Variants in FSTL5 observed in about 807,000 individuals in gnomAD.
The protein encoded by FSTL5 is follistatin-related protein 5.
A neutral mutation model predicts 89.1 loss-of-function variants in FSTL5; 62 were observed. The ratio of observed to expected loss-of-function variants is 0.70; its 90% CI spans 0.57 to 0.86. FSTL5 has a LOEUF of 0.86. Ranked by LOEUF, FSTL5 falls within the 40% of genes least tolerant of loss-of-function variation. The pLI is 0.00. For missense variants in FSTL5, 1,057 were observed against 1,001.6 expected, an observed-to-expected ratio of 1.06 and a Z score of -0.75; for synonymous variants, 383 against 346.2, an observed-to-expected ratio of 1.11 and a Z score of -1.18.
At chr4:161,545,401 T>G (rs1218923980) in intron 8 of FSTL5, among the ~76,000 whole-genome samples, 1 of 151,722 alleles carries the variant, frequency 6.6e-6, no homozygotes, top group Non-Finnish European at 1.5e-5. Flanking sequence ...AGAGGTTTTG[T>G]ATTTTTCTTT....
intron 10 of FSTL5, among the ~76,000 whole-genome samples, chr4:161,537,090 T>A (rs1353221504): frequency 6.6e-6 from 1 of 152,146 alleles, no homozygotes; most frequent in Admixed American, 6.6e-5. Flanking sequence ...AAAATGAAGA[T>A]AATGATATGC....
intron 15 of FSTL5, among the ~76,000 whole-genome samples, chr4:161,407,167 T>G (rs952183928): frequency 6.6e-6 from 1 of 152,162 alleles, no homozygotes; most frequent in Non-Finnish European, 1.5e-5. Context: ...TGTCACGAAT[T>G]GTACACTTTA....
intron 4 of FSTL5, among the ~76,000 whole-genome samples, chr4:161,855,114 G>A (rs1272359050): frequency 6.6e-6 from 1 of 151,884 alleles, no homozygotes; most frequent in Non-Finnish European, 1.5e-5. Flanking sequence ...GCTCCAGGTG[G>A]TAATATTAAA....
chr4:161,992,946 G>GCA (rs1736176404), intron 3 of FSTL5, among the ~76,000 whole-genome samples: 1 of 6,762 alleles, frequency 1.5e-4, no homozygotes, highest in Non-Finnish European at 5.4e-4. Context: ...ATATATGTGT[G>GCA]TATATCTATA....
At chr4:161,986,996 T>C (rs571324696) in intron 3 of FSTL5, among the ~76,000 whole-genome samples, 1 of 152,296 alleles carries the variant, frequency 6.6e-6, no homozygotes, top group African/African-American at 2.4e-5. Context: ...AGAGGCCTAT[T>C]GGTCATATTC....
chr4:161,468,898 A>AT (rs1164620269), intron 13 of FSTL5, among the ~76,000 whole-genome samples: 1 of 151,722 alleles, frequency 6.6e-6, no homozygotes, highest in South Asian at 2.1e-4. Flanking sequence ...TTTCATTAGT[A>AT]TTTTTTTCAT....
chr4:162,033,512 T>G, intron 3 of FSTL5, 113 bp downstream of exon 3: 1 of 609,622 alleles, frequency 1.6e-6, no homozygotes, highest in Non-Finnish European at 2.8e-6. Flanking sequence ...CTGAATATTT[T>G]TAATTATCAT....
chr4:161,566,133 TATACACAC>T (rs1732806142), intron 8 of FSTL5, among the ~76,000 whole-genome samples: 1 of 75,078 alleles, frequency 1.3e-5, no homozygotes, highest in Non-Finnish European at 2.7e-5. Context: ...TATATATATA[TATACACAC>T]ACACACACAC....
At chr4:161,475,903 C>G (rs1734118465) in intron 13 of FSTL5, among the ~76,000 whole-genome samples, 1 of 152,024 alleles carries the variant, frequency 6.6e-6, no homozygotes, top group Non-Finnish European at 1.5e-5. Flanking sequence ...TTGCCCACCA[C>G]CACGCCCAGC....
At chr4:162,143,228 G>A (rs1319992520) in intron 1 of FSTL5, among the ~76,000 whole-genome samples, 1 of 151,806 alleles carries the variant, frequency 6.6e-6, no homozygotes, top group Non-Finnish European at 1.5e-5. Context: ...GTTTCTTGTA[G>A]AGATATTAAA....
chr4:161,499,097 G>T (rs1730201741), intron 12 of FSTL5, among the ~76,000 whole-genome samples: 1 of 152,070 alleles, frequency 6.6e-6, no homozygotes, highest in South Asian at 2.1e-4. Context: ...AGCTACTTGG[G>T]AGGCTGAGGC....
chr4:161,491,218 T>C (rs1432115983), intron 12 of FSTL5, among the ~76,000 whole-genome samples: 3 of 152,038 alleles, frequency 2.0e-5, no homozygotes, highest in Non-Finnish European at 2.9e-5. Context: ...GAGCCGGTGA[T>C]TTAGTTCAAG....
At chr4:161,788,645 G>T (rs915830450) in intron 4 of FSTL5, among the ~76,000 whole-genome samples, 1 of 152,164 alleles carries the variant, frequency 6.6e-6, no homozygotes, top group Admixed American at 6.5e-5. Flanking sequence ...CAACACTTTG[G>T]GAGGTAGAGG....
At chr4:161,722,662 C>G (rs1739256764) in intron 6 of FSTL5, among the ~76,000 whole-genome samples, 1 of 152,122 alleles carries the variant, frequency 6.6e-6, no homozygotes, top group Non-Finnish European at 1.5e-5. Flanking sequence ...TAGCTATTTC[C>G]TTAATCTAAA....
intron 12 of FSTL5, among the ~76,000 whole-genome samples, chr4:161,490,982 G>A (rs1011063281): frequency 2.0e-5 from 3 of 151,910 alleles, no homozygotes; most frequent in Non-Finnish European, 4.4e-5. Flanking sequence ...AAAGACTTTA[G>A]CTCTGTACCT....
At chr4:161,909,057 C>A (rs907374590) in intron 4 of FSTL5, among the ~76,000 whole-genome samples, 7 of 152,114 alleles carry the variant, frequency 4.6e-5, no homozygotes, top group African/African-American at 1.7e-4. Context: ...TCCTGGCTTG[C>A]CAGCCTAAGC....
At chr4:162,026,378 G>A (rs753140271) in intron 3 of FSTL5, among the ~76,000 whole-genome samples, 4 of 136,452 alleles carry the variant, frequency 2.9e-5, no homozygotes, top group Admixed American at 2.4e-4. Context: ...GTGTGATCTC[G>A]GCCACTGCAA....
At chr4:161,915,602 G>A (rs907097751) in intron 4 of FSTL5, among the ~76,000 whole-genome samples, 1 of 152,048 alleles carries the variant, frequency 6.6e-6, no homozygotes, top group African/African-American at 2.4e-5. Flanking sequence ...CCAAACATAA[G>A]GGATTAATAA....
At chr4:161,851,384 G>C (rs1731544695) in intron 4 of FSTL5, among the ~76,000 whole-genome samples, 1 of 152,028 alleles carries the variant, frequency 6.6e-6, no homozygotes, top group African/African-American at 2.4e-5. Context: ...CTGTTTAGTT[G>C]TTTATTCTCA....
Sources: allele counts gnomAD v4.1 joint callset (sites outside exome capture counted in the v4.1 genomes callset), GRCh38; gene constraint gnomAD v4.1.1; transcripts MANE v1.5; gene names NCBI Gene and HGNC (gene_info 2026-07-23, HGNC 2026-07-21).